TEX14: variants seen among roughly 807,000 people sequenced by gnomAD.
The protein encoded by TEX14 is testis expressed 14, intercellular bridge forming factor.
TEX14 carries 168 observed loss-of-function variants against 178.6 expected under a neutral mutation model. That is an observed-to-expected ratio of 0.94 (90% confidence interval 0.83 to 1.07). The LOEUF (loss-of-function observed/expected upper bound fraction) is 1.07, where lower values mean the gene tolerates loss of function less well. TEX14 is among the 50% of genes least tolerant of loss of function. TEX14 has a pLI of 0.00. For missense variants in TEX14, 1,730 were observed against 1,753.6 expected, an observed-to-expected ratio of 0.99 and a Z score of 0.24; for synonymous variants, 626 against 634.1, an observed-to-expected ratio of 0.99 and a Z score of 0.19.
intron 3 of TEX14, among the ~76,000 whole-genome samples, chr17:58,627,084 G>C (rs550271556): frequency 2.8e-4 from 42 of 152,096 alleles, no homozygotes; most frequent in African/African-American, 1.0e-3. Flanking sequence ...TCCTGGCATT[G>C]CCTGGCATTA....
intron 1 of TEX14, among the ~76,000 whole-genome samples, chr17:58,688,260 A>T (rs1186448682): frequency 1.3e-5 from 2 of 151,948 alleles, no homozygotes; most frequent in Non-Finnish European, 1.5e-5. Flanking sequence ...AGCTGGGACT[A>T]TAGGTACCCT....
In TEX14 at chr17:58,587,609, A is replaced by C; in HGVS notation, c.2760T>G (p.Asp920Glu). 1.2e-6 allele frequency: 2 copies of C among 1,603,388 alleles called. No homozygotes were observed. Among genetic ancestry groups the C allele is most frequent in the Non-Finnish European group, 1.7e-6 (2 of 1,174,566 alleles). ...TCCATTTTAAGTGTACCTTTCCATC[A>C]TCTTTATTTCTGGACTCTGCATTAT... is the stretch of plus-strand genomic sequence containing the variant. ...EIYNAESRNKDDGKVHLKWKM... is the reference protein window; with the variant it reads ...EIYNAESRNKEDGKVHLKWKM... Residue 920 changes from aspartate to glutamate, a missense_variant, in exon 17 of 32, where the codon GAT (aspartate) becomes GAG (glutamate). Asp to Glu is a conservative substitution (Grantham distance 45). Transcript: ENST00000349033.
At chr17:58,596,806 G>C (rs946061307) in intron 14 of TEX14, among the ~76,000 whole-genome samples, 2 of 152,102 alleles carry the variant, frequency 1.3e-5, no homozygotes, top group African/African-American at 4.8e-5. Flanking sequence ...AGCCAGGTGT[G>C]CTGATACAGC....
At chr17:58,598,576 G>T (rs1262194161) in intron 14 of TEX14, among the ~76,000 whole-genome samples, 1 of 152,182 alleles carries the variant, frequency 6.6e-6, no homozygotes, top group Non-Finnish European at 1.5e-5. Context: ...TCTGAACTGG[G>T]AGACAGAGAG....
At chr17:58,562,426 T>C (rs755801025) in intron 28 of TEX14, among the ~76,000 whole-genome samples, 16 of 152,210 alleles carry the variant, frequency 1.1e-4, no homozygotes, top group Non-Finnish European at 2.4e-4. Flanking sequence ...CATCTATCTG[T>C]GGCCAGCACT....
intron 9 of TEX14, among the ~76,000 whole-genome samples, chr17:58,612,580 C>G (rs1192405876): frequency 6.6e-6 from 1 of 151,382 alleles, no homozygotes; most frequent in African/African-American, 2.4e-5. Context: ...ACTAAAAATA[C>G]AAAAATTGGC....
chr17:58,630,320 T>G, intron 3 of TEX14, 120 bp downstream of exon 3: 2 of 683,678 alleles, frequency 2.9e-6, no homozygotes, highest in East Asian at 5.7e-5. Context: ...CCTCCCAAAG[T>G]GCTGGGATTA....
intron 1 of TEX14, among the ~76,000 whole-genome samples, chr17:58,663,837 C>T (rs1028366772): frequency 6.6e-6 from 1 of 152,164 alleles, no homozygotes; most frequent in African/African-American, 2.4e-5. Flanking sequence ...CACACTGGCC[C>T]TGAAGCTGCA....
intron 29 of TEX14, 63 bp downstream of exon 29, chr17:58,561,457 G>A (rs762762970): frequency 7.0e-6 from 8 of 1,135,712 alleles, no homozygotes; most frequent in African/African-American, 6.1e-5. Context: ...TCTCCAAGAA[G>A]TCTAAAACCT....
intron 29 of TEX14, among the ~76,000 whole-genome samples, chr17:58,560,966 C>T (rs573546052): frequency 6.6e-6 from 1 of 152,342 alleles, no homozygotes; most frequent in African/African-American, 2.4e-5. Context: ...CATCATGTCT[C>T]AAGATGCATG....
At chr17:58,613,234 C>T (rs1326971358) in intron 9 of TEX14, among the ~76,000 whole-genome samples, 187 bp downstream of exon 9, 1 of 151,844 alleles carries the variant, frequency 6.6e-6, no homozygotes, top group African/African-American at 2.4e-5. Flanking sequence ...ATAATAAAAC[C>T]GTACTAATTC....
In TEX14 at chr17:58,599,484, C is replaced by A. The variant is rs201938572; in HGVS notation, c.1861G>T (p.Glu621Ter). 5.0e-6 allele frequency: 8 copies of A among 1,613,046 alleles called. No individual in the cohort carries two copies. The highest frequency in any genetic ancestry group is 6.8e-6 in the Non-Finnish European group (8 of 1,179,766). Residue 621 changes from glutamate to a stop codon, truncating the protein, a stop_gained, in exon 14 of 32, where the codon GAA (glutamate) becomes TAA (stop). Coordinates refer to ENST00000349033, the MANE Select transcript of TEX14 (RefSeq NM_031272.5). LOFTEE classifies it high-confidence loss of function. The stretch of plus-strand genomic sequence containing the variant: ...CAGCCTGAGTAGATCTCGTTGATTT[C>A]GAAACTGCAGAGGCTTGGCTGACCT... ...STGQPSLCSF[E>*]INEIYSGCLI...
intron 21 of TEX14, 82 bp from the exon 22 acceptor site, chr17:58,574,331 G>T: frequency 3.8e-6 from 4 of 1,059,844 alleles, no homozygotes; most frequent in Non-Finnish European, 5.8e-6. Context: ...GGAACCAGTT[G>T]ATCAGCCCAG....
intron 10 of TEX14, among the ~76,000 whole-genome samples, chr17:58,609,049 A>C (rs1005095245): frequency 2.6e-5 from 4 of 152,244 alleles, no homozygotes; most frequent in Admixed American, 2.6e-4. Flanking sequence ...AGTGACAGTT[A>C]TCTGGCCTCT....
At chr17:58,631,711 C>G (rs1274735732) in intron 2 of TEX14, 1 of 150,686 alleles carries the variant, frequency 6.6e-6, no homozygotes, top group Non-Finnish European at 1.5e-5. Flanking sequence ...AACGCAACAC[C>G]AAACACTGCT....
At chr17:58,583,265 C>A (rs2044868409) in intron 19 of TEX14, among the ~76,000 whole-genome samples, 1 of 152,094 alleles carries the variant, frequency 6.6e-6, no homozygotes, top group Non-Finnish European at 1.5e-5. Context: ...TCCCAAGTAG[C>A]TGGGACTAGA....
intron 9 of TEX14, among the ~76,000 whole-genome samples, chr17:58,612,725 A>G (rs1401291889): frequency 1.7e-5 from 2 of 118,056 alleles, no homozygotes; most frequent in African/African-American, 6.8e-5. Context: ...ACAGAAGGAG[A>G]CTCTTGTCTC....
intron 14 of TEX14, among the ~76,000 whole-genome samples, chr17:58,597,327 A>G (rs1474971966): frequency 1.3e-5 from 2 of 152,130 alleles, no homozygotes; most frequent in Admixed American, 1.3e-4. Flanking sequence ...TGAACCTGGG[A>G]GGCAGAGTTT....
chr17:58,592,496 G>C (rs999773795), intron 15 of TEX14, among the ~76,000 whole-genome samples: 1 of 151,932 alleles, frequency 6.6e-6, no homozygotes, highest in Non-Finnish European at 1.5e-5. Context: ...CACCACGCCC[G>C]GCTAATTTTT....
Sources: allele counts gnomAD v4.1 joint callset (sites outside exome capture counted in the v4.1 genomes callset), GRCh38; gene constraint gnomAD v4.1.1; transcripts MANE v1.5; gene names NCBI Gene and HGNC (gene_info 2026-07-23, HGNC 2026-07-21).